PKD1L1: variants seen among roughly 807,000 people sequenced by gnomAD.
PKD1L1 encodes the protein polycystin 1 like 1, transient receptor potential channel interacting.
In PKD1L1, 236 loss-of-function variants were observed where a neutral mutation model predicts 323.4. The ratio of observed to expected loss-of-function variants is 0.73; its 90% CI spans 0.66 to 0.81. The LOEUF is 0.81. PKD1L1 is among the 40% of genes least tolerant of loss of function. PKD1L1 has a pLI of 0.00. For missense variants in PKD1L1, 3,320 were observed against 3,508.0 expected (o/e 0.95, Z 1.35); for synonymous variants, 1,344 against 1,335.0 (o/e 1.01, Z -0.15).
At chr7:47,957,854 T>G in the PKD1L1 span, among the ~76,000 whole-genome samples, 1 of 118,038 alleles carries the variant, frequency 8.5e-6, no homozygotes, top group African/African-American at 3.0e-5. Flanking sequence ...ACAATACAAT[T>G]AAAAAAAAAT....
At position 47,840,497 on chromosome 7, in the gene PKD1L1, A is replaced by G; in HGVS notation, c.5516T>C (p.Leu1839Pro). The change falls in exon 35 of 57, where the codon CTG becomes CCG. Residue 1839 changes from leucine to proline, a missense_variant. By Grantham distance (98) the Leu-to-Pro change is moderately conservative (BLOSUM62 -3). Transcript: ENST00000289672. This position sits in a 1 kb window ranked among gnomAD's most constrained non-coding sequence, Gnocchi z 4.1. Reference protein sequence around the residue: ...TKELSCPEKPLFERNSRHTFI... With the variant: ...TKELSCPEKPPFERNSRHTFI... ...GGTGTGTCTGGAATTCCTTTCAAAC[A>G]GGGGCTTCTCTGGACAGGAGAGCTC... 1.2e-6 allele frequency: 2 copies of G among 1,614,130 alleles called. No individual in the cohort carries two copies. Among genetic ancestry groups the G allele is most frequent in the South Asian group, 2.2e-5 (2 of 91,078 alleles).
chr7:47,893,221 C>A (rs934938034), intron 15 of PKD1L1, among the ~76,000 whole-genome samples: 2 of 136,190 alleles, frequency 1.5e-5, no homozygotes, highest in Admixed American at 7.5e-5. Flanking sequence ...CAGAGTGAGA[C>A]CCTATCTCAA....
Position 47,866,517 on chromosome 7 carries a change from G to C in PKD1L1, c.3994C>G (p.Arg1332Gly). The C allele has an allele frequency of 6.2e-7, 1 of 1,613,944 alleles. No individual in the cohort carries two copies. Among genetic ancestry groups the C allele is most frequent in the Non-Finnish European group, 8.5e-7 (1 of 1,179,902 alleles). ...YITVITRILS[R>G]LSKEDKTASC... ...GCAGTTTTGTCCTCCTTAGACAAAC[G>C]ACTCAGGATTCTGGTGATCACAGTG... The change falls in exon 25 of 57, where the codon CGT becomes GGT. Residue 1332 changes from arginine to glycine, a missense_variant. Coordinates refer to ENST00000289672, the MANE Select transcript of PKD1L1 (RefSeq NM_138295.5).
rs375133399 is a variant in PKD1L1, at chr7:47,808,346, G to A, written c.7728C>T (p.Ser2576=). Residue 2576 remains serine, a synonymous_variant, in exon 52 of 57, where the codon TCC becomes TCT. Transcript: ENST00000289672. ...VGVSLTYYAV[S]GHLVTLAGDV... ...CTCCAGCAAGAGTAACAAGGTGGCC[G>A]GAAACTGCATAGTAGGTGAGGCTCA... 98 of 1,614,112 alleles carry A rather than the reference G, an allele frequency of 6.1e-5. 2 individuals are homozygous for A. The South Asian group carries it at 8.6e-4, about 14-fold the overall frequency.
chr7:47,850,513 T>C (rs930833201), intron 31 of PKD1L1, among the ~76,000 whole-genome samples: 1 of 150,938 alleles, frequency 6.6e-6, no homozygotes, highest in African/African-American at 2.4e-5. Context: ...ATGCCTGTAA[T>C]CTCAGCTACC....
intron 44 of PKD1L1, 53 bp from the exon 45 acceptor site, chr7:47,827,521 G>A: frequency 1.4e-6 from 2 of 1,467,250 alleles, no homozygotes; most frequent in Non-Finnish European, 9.3e-7. Context: ...GAAGGAGAGA[G>A]GCCCCTGGTG....
intron 11 of PKD1L1, 140 bp downstream of exon 11, chr7:47,905,017 C>T: frequency 1.1e-6 from 1 of 910,540 alleles, no homozygotes; most frequent in Non-Finnish European, 1.6e-6. Flanking sequence ...GTTGAGTTTG[C>T]TTCACAGAAG....
chr7:47,890,612 C>T lies in PKD1L1; in HGVS notation c.2605G>A (p.Val869Ile), dbSNP rs1365662936. The T allele has an allele frequency of 2.5e-6, 4 of 1,614,174 alleles. No homozygotes were observed. The highest frequency in any genetic ancestry group is 2.2e-5 in the South Asian group (2 of 91,080). Residue 869 changes from valine to isoleucine, a missense_variant, in exon 16 of 57, where the codon GTC (valine) becomes ATC (isoleucine). Coordinates refer to ENST00000289672, the MANE Select transcript of PKD1L1 (RefSeq NM_138295.5). The stretch of plus-strand genomic sequence containing the variant: ...GAAGAGTTCCGGCCACCACTGGAGA[C>T]CCTCAGCATCACAAGGAACTGATCA... ...SYDQFLVMLR[V>I]SSGGRNSSET...
At chr7:47,870,472 A>G (rs553872998) in intron 24 of PKD1L1, among the ~76,000 whole-genome samples, 1 of 152,190 alleles carries the variant, frequency 6.6e-6, no homozygotes. Flanking sequence ...ATAGGAGAAC[A>G]CCATACAAAA....
intron 31 of PKD1L1, among the ~76,000 whole-genome samples, chr7:47,847,814 A>G (rs7798593): frequency 0.19 from 29,402 of 152,040 alleles, 3,059 homozygotes; most frequent in Middle Eastern, 0.23. Flanking sequence ...TAATCTGGAC[A>G]TAAGAAATAA....
chr7:47,806,794 A>G (rs1784788255), intron 52 of PKD1L1, among the ~76,000 whole-genome samples: 1 of 152,246 alleles, frequency 6.6e-6, no homozygotes, highest in African/African-American at 2.4e-5. Context: ...GGAATGCAAT[A>G]TCCGGAGATA....
chr7:47,882,341 T>C (rs1284598583), intron 19 of PKD1L1, among the ~76,000 whole-genome samples: 3 of 149,938 alleles, frequency 2.0e-5, no homozygotes, highest in Non-Finnish European at 3.0e-5. Flanking sequence ...GCAAGATTTA[T>C]TAAGGTCTAC....
At chr7:47,841,428 CTT>C (rs1350113588) in intron 34 of PKD1L1, among the ~76,000 whole-genome samples, 2 of 152,176 alleles carry the variant, frequency 1.3e-5, no homozygotes, top group African/African-American at 2.4e-5. Context: ...TTGTTCTTCT[CTT>C]GAGAGTTGGC....
chr7:47,909,203 T>C (rs1241859787), intron 8 of PKD1L1, among the ~76,000 whole-genome samples: 1 of 152,244 alleles, frequency 6.6e-6, no homozygotes, highest in Admixed American at 6.5e-5. Flanking sequence ...ATTCTTAAAC[T>C]GTACATTTGA....
intron 1 of PKD1L1, 149 bp from the exon 2 acceptor site, chr7:47,943,660 G>A (rs142972051): frequency 5.4e-5 from 33 of 612,732 alleles, no homozygotes; most frequent in East Asian, 2.3e-4. Flanking sequence ...AAAAAGACTC[G>A]CATCTATGGT....
chr7:47,847,065 C>T lies in PKD1L1; in HGVS notation c.4967G>A (p.Ser1656Asn). 2 of 1,571,418 alleles carry T rather than the reference C, an allele frequency of 1.3e-6. No individual in the cohort carries two copies. Among genetic ancestry groups the T allele is most frequent in the South Asian group, 1.2e-5 (1 of 83,164 alleles). The change falls in exon 32 of 57, where the codon AGT becomes AAT. Residue 1656 changes from serine (S) to asparagine (N), a missense_variant. Ser to Asn is a conservative substitution (Grantham distance 46). Coordinates refer to ENST00000289672, the MANE Select transcript of PKD1L1 (RefSeq NM_138295.5). ...ATCCAATAAGGATAAATAGCCTACACTGGCATCTAAAAAGAGAAAACATAA... is the reference window on the plus strand; with the variant it reads ...ATCCAATAAGGATAAATAGCCTACATTGGCATCTAAAAAGAGAAAACATAA... ...YIPAASQKDA[S>N]VGYLSLLDAD...
intron 20 of PKD1L1, among the ~76,000 whole-genome samples, chr7:47,881,347 T>C (rs968462758): frequency 6.6e-6 from 1 of 152,124 alleles, no homozygotes; most frequent in South Asian, 2.1e-4. Context: ...TTTCTAAAAT[T>C]ACAATCTTAC....
At chr7:47,893,767 T>C in intron 15 of PKD1L1, 111 bp downstream of exon 15, 1 of 1,147,474 alleles carries the variant, frequency 8.7e-7, no homozygotes, top group East Asian at 2.6e-5. Context: ...TTAACGAAAG[T>C]TGATGTGCTT....
chr7:47,822,613 A>AC lies in PKD1L1; in HGVS notation c.6855-1428_6855-1427insG, dbSNP rs1188566589. Among the ~76,000 whole-genome samples, 407 of 151,382 alleles carry AC rather than the reference A, an allele frequency of 2.7e-3. 5 individuals carry two copies. The highest frequency in any genetic ancestry group is 9.3e-3 in the African/African-American group (386 of 41,314). On this transcript the variant is annotated intron_variant, in intron 45 of 56. Coordinates refer to ENST00000289672, the MANE Select transcript of PKD1L1 (RefSeq NM_138295.5). ...CCGTCTCAAAAAAAAAAAAAAAAAA[A>AC]AAAAAACAGCTGTGGTATTGCATTG... is the stretch of plus-strand genomic sequence containing the variant.
Sources: allele counts gnomAD v4.1 joint callset (sites outside exome capture counted in the v4.1 genomes callset), GRCh38; gene constraint gnomAD v4.1.1; non-coding constraint Gnocchi (gnomAD v3.1); transcripts MANE v1.5; gene names NCBI Gene and HGNC (gene_info 2026-07-23, HGNC 2026-07-21).